The following ADAMTSL1 variants were observed in gnomAD, a reference collection of about 807,000 sequenced individuals.
The protein encoded by ADAMTSL1 is ADAMTS-like protein 1.
ADAMTSL1 carries 126 observed loss-of-function variants against 201.8 expected under a neutral mutation model. The ratio of observed to expected loss-of-function variants is 0.62; its 90% confidence interval spans 0.54 to 0.72. ADAMTSL1 has a LOEUF of 0.72. Among genes scored for constraint, ADAMTSL1 ranks in the 30% least tolerant of loss-of-function variants. ADAMTSL1 has a pLI of 0.00. For missense variants in ADAMTSL1, 2,679 were observed against 2,277.8 expected, an observed-to-expected ratio of 1.18 and a Z score of -3.59; for synonymous variants, 1,121 against 903.4, an observed-to-expected ratio of 1.24 and a Z score of -4.32.
intron 1 of ADAMTSL1, among the ~76,000 whole-genome samples, chr9:17,981,359 G>A (rs901700437): frequency 6.6e-6 from 1 of 152,150 alleles, no homozygotes; most frequent in African/African-American, 2.4e-5. Context: ...CTATTCCCTG[G>A]AAATATTTTT....
At chr9:18,545,087 A>G (rs969661390) in intron 3 of ADAMTSL1, among the ~76,000 whole-genome samples, 2 of 152,186 alleles carry the variant, frequency 1.3e-5, no homozygotes, top group African/African-American at 4.8e-5. Context: ...CTCAGAGAGA[A>G]CCTGGCAAAG....
chr9:18,012,441 G>C (rs531918440), intron 1 of ADAMTSL1, among the ~76,000 whole-genome samples: 1 of 152,198 alleles, frequency 6.6e-6, no homozygotes, highest in South Asian at 2.1e-4. Context: ...ATTAGCTGTA[G>C]GTCTGGAAAC....
chr9:18,756,269 ACT>A (rs1819761476), intron 16 of ADAMTSL1, among the ~76,000 whole-genome samples: 1 of 106,556 alleles, frequency 9.4e-6, no homozygotes, highest in Non-Finnish European at 1.9e-5. Context: ...ACAGAGCAAG[ACT>A]CTGTCTCGAC....
intron 2 of ADAMTSL1, among the ~76,000 whole-genome samples, chr9:18,358,090 GT>G (rs1836335652): frequency 6.6e-6 from 1 of 152,140 alleles, no homozygotes; most frequent in Admixed American, 6.5e-5. Flanking sequence ...ACTTAGACAT[GT>G]TACTTTGGTC....
At chr9:18,541,131 A>G (rs1820110781) in intron 3 of ADAMTSL1, among the ~76,000 whole-genome samples, 1 of 152,178 alleles carries the variant, frequency 6.6e-6, no homozygotes, top group Non-Finnish European at 1.5e-5. Flanking sequence ...TGATTTGTAC[A>G]CTGATACAAC....
At chr9:18,026,425 G>T (rs980417027) in intron 1 of ADAMTSL1, among the ~76,000 whole-genome samples, 1 of 151,894 alleles carries the variant, frequency 6.6e-6, no homozygotes, top group Non-Finnish European at 1.5e-5. Context: ...GAAGGATACT[G>T]GATTTTATTG....
chr9:18,249,474 C>T (rs868204111), intron 2 of ADAMTSL1, among the ~76,000 whole-genome samples: 2 of 152,070 alleles, frequency 1.3e-5, no homozygotes, highest in African/African-American at 2.4e-5. Flanking sequence ...TAGAGAGGGA[C>T]GTTGCAAACA....
At chr9:18,142,281 A>G (rs1444410581) in intron 1 of ADAMTSL1, among the ~76,000 whole-genome samples, 5 of 152,216 alleles carry the variant, frequency 3.3e-5, no homozygotes, top group African/African-American at 7.2e-5. Context: ...GAGGTCAAGC[A>G]GCACCCATAT....
At chr9:18,390,504 T>C (rs999613110) in intron 2 of ADAMTSL1, among the ~76,000 whole-genome samples, 32 of 152,338 alleles carry the variant, frequency 2.1e-4, no homozygotes, top group African/African-American at 7.7e-4. Flanking sequence ...CTTTTGCTTA[T>C]GTACTGCATG....
At chr9:17,946,542 C>T (rs557366134) in intron 1 of ADAMTSL1, among the ~76,000 whole-genome samples, 11 of 151,930 alleles carry the variant, frequency 7.2e-5, no homozygotes, top group Admixed American at 2.0e-4. Flanking sequence ...AATTTAGAGG[C>T]TGTGAAATTT....
At chr9:18,110,563 G>T (rs1370875716) in intron 1 of ADAMTSL1, among the ~76,000 whole-genome samples, 2 of 152,088 alleles carry the variant, frequency 1.3e-5, no homozygotes, top group Admixed American at 1.3e-4. Flanking sequence ...GCTTTGAGGG[G>T]TCTTTTTGAG....
At chr9:18,502,425 A>C (rs1822892213) in intron 1 of ADAMTSL1, among the ~76,000 whole-genome samples, 2 of 152,242 alleles carry the variant, frequency 1.3e-5, no homozygotes, top group African/African-American at 4.8e-5. Context: ...GCGGCAAACA[A>C]AGAGTTAGAT....
Position 18,889,549 on chromosome 9 carries a change from G to C in ADAMTSL1, c.4463-19G>C. The stretch of plus-strand genomic sequence containing the variant: ...ATTATGCTATATTCTTTTCTACACT[G>C]CTCCTCCTCCCATGACAGATTACTG... On this transcript the variant is annotated intron_variant, in intron 24 of 28. Coordinates refer to ENST00000380548, the MANE Select transcript of ADAMTSL1 (RefSeq NM_001040272.6). The C allele has an allele frequency of 2.5e-6, 4 of 1,612,220 alleles. No homozygotes were observed. The highest frequency in any genetic ancestry group is 3.4e-6 in the Non-Finnish European group (4 of 1,179,012).
chr9:18,254,345 G>GTTTC (rs1831585236), intron 2 of ADAMTSL1, among the ~76,000 whole-genome samples: 1 of 49,330 alleles, frequency 2.0e-5, no homozygotes, highest in Non-Finnish European at 3.5e-5. Context: ...ACTCTTTTTG[G>GTTTC]TTTTTTTTTT....
intron 1 of ADAMTSL1, among the ~76,000 whole-genome samples, chr9:17,994,702 G>A (rs2131510089): frequency 6.6e-6 from 1 of 152,282 alleles, no homozygotes; most frequent in Admixed American, 6.5e-5. Flanking sequence ...GTAAATTTAG[G>A]ATCAAGGTTC....
chr9:18,574,352 T>A, intron 4 of ADAMTSL1, 86 bp downstream of exon 4: 1 of 1,169,318 alleles, frequency 8.6e-7, no homozygotes, highest in Non-Finnish European at 1.3e-6. Context: ...ACTCTCTGAA[T>A]CACTCATCTT....
At chr9:18,667,314 C>G (rs1264284721) in intron 9 of ADAMTSL1, among the ~76,000 whole-genome samples, 1 of 149,726 alleles carries the variant, frequency 6.7e-6, no homozygotes, top group Admixed American at 6.7e-5. Flanking sequence ...TCTAATGCAA[C>G]TATGAAGAAA....
At chr9:17,954,789 G>C (rs1301895143) in intron 1 of ADAMTSL1, among the ~76,000 whole-genome samples, 1 of 152,106 alleles carries the variant, frequency 6.6e-6, no homozygotes. Flanking sequence ...AACACAGTTA[G>C]GTCTGTTTAG....
intron 1 of ADAMTSL1, among the ~76,000 whole-genome samples, chr9:18,141,066 A>C (rs895756212): frequency 6.6e-6 from 1 of 152,172 alleles, no homozygotes; most frequent in Non-Finnish European, 1.5e-5. Context: ...ATGATAGTTT[A>C]CTTGGAAATT....
Sources: gnomAD v4.1 joint callset for allele counts (sites outside exome capture counted in the v4.1 genomes callset) on GRCh38, gnomAD v4.1.1 for gene constraint, MANE v1.5 for transcripts, NCBI Gene and HGNC (gene_info 2026-07-23, HGNC 2026-07-21) for gene names.